The following CCDC170 variants were observed in gnomAD, a reference collection of about 807,000 sequenced individuals.
CCDC170 encodes coiled-coil domain containing 170.
In CCDC170, 69 loss-of-function variants were observed where a neutral mutation model predicts 72.6. The observed-to-expected ratio is 0.95, with a 90% confidence interval of 0.78 to 1.16. CCDC170 has a LOEUF of 1.16. Among genes scored for constraint, CCDC170 ranks in the 50% most tolerant of loss-of-function variants. CCDC170 has a pLI of 0.00. For missense variants in CCDC170, 852 were observed against 832.5 expected, an observed-to-expected ratio of 1.02 and a Z score of -0.29; for synonymous variants, 300 against 303.9, an observed-to-expected ratio of 0.99 and a Z score of 0.13.
intron 1 of CCDC170, among the ~76,000 whole-genome samples, chr6:151,521,505 G>A (rs1454188006): frequency 6.6e-6 from 1 of 152,140 alleles, no homozygotes; most frequent in Non-Finnish European, 1.5e-5. Flanking sequence ...GGTAAAATGA[G>A]GCTGAGATCT....
At chr6:151,595,417 A>T (rs1776606118) in intron 8 of CCDC170, among the ~76,000 whole-genome samples, 1 of 152,184 alleles carries the variant, frequency 6.6e-6, no homozygotes, top group South Asian at 2.1e-4. Flanking sequence ...AAAGACCAAG[A>T]AACCTTCTTA....
intron 3 of CCDC170, among the ~76,000 whole-genome samples, chr6:151,541,347 T>C (rs1369056037): frequency 6.6e-6 from 1 of 152,198 alleles, no homozygotes; most frequent in Non-Finnish European, 1.5e-5. Context: ...TTGATTATTG[T>C]CCATCTTTCC....
At chr6:151,572,647 G>GTTTTTTTTTTTTTTT (rs1776234393) in intron 5 of CCDC170, among the ~76,000 whole-genome samples, 2 of 20,282 alleles carry the variant, frequency 9.9e-5, no homozygotes, top group African/African-American at 3.8e-4. Context: ...TCCCTTCTCT[G>GTTTTTTTTTTTTTTT]TGTTTTTTTT....
intron 8 of CCDC170, among the ~76,000 whole-genome samples, 159 bp downstream of exon 8, chr6:151,593,439 G>A (rs1776574733): frequency 6.6e-6 from 1 of 151,932 alleles, no homozygotes; most frequent in East Asian, 1.9e-4. Flanking sequence ...AGTCTGAAGA[G>A]TTGGTAAGTG....
At chr6:151,530,774 T>G (rs1381117147) in intron 1 of CCDC170, among the ~76,000 whole-genome samples, 1 of 152,066 alleles carries the variant, frequency 6.6e-6, no homozygotes, top group Non-Finnish European at 1.5e-5. Flanking sequence ...ATGTTGCTAG[T>G]TTTAAAGATC....
rs1200924330 is a variant in CCDC170 at position 151,619,855 on chromosome 6, A to G, written c.*1708A>G. The G allele has an allele frequency of 1.3e-5, 2 of 152,290 alleles. No individual in the cohort carries two copies. Among genetic ancestry groups the G allele is most frequent in the South Asian group, 2.1e-4 (1 of 4,824 alleles). The allele number at this position is 152,290 out of a possible 1,614,324, so 9.4% of individuals were successfully genotyped here. A position where few individuals can be genotyped will look rare whatever the true frequency, so the allele number is the denominator to read the frequency against. ...AACAACAAAAAGTCAAAGTCATAAT[A>G]AGCAAATTATTGGCTTCTTTCTTCT... On this transcript the variant is annotated 3_prime_UTR_variant, in exon 11 of 11. Transcript: ENST00000239374.
intron 5 of CCDC170, among the ~76,000 whole-genome samples, chr6:151,554,880 T>TTG (rs1304528596): frequency 5.7e-5 from 8 of 140,958 alleles, no homozygotes; most frequent in African/African-American, 1.9e-4. Flanking sequence ...CAGTTTTTTT[T>TTG]TTTTTTTTTT....
At chr6:151,543,371 T>C (rs1782721207) in intron 3 of CCDC170, among the ~76,000 whole-genome samples, 1 of 152,216 alleles carries the variant, frequency 6.6e-6, no homozygotes, top group African/African-American at 2.4e-5. Context: ...AGTGATATTT[T>C]GATACATGTA....
At chr6:151,506,879 T>C (rs991254840) in intron 1 of CCDC170, among the ~76,000 whole-genome samples, 2 of 152,120 alleles carry the variant, frequency 1.3e-5, no homozygotes, top group Admixed American at 6.6e-5. Context: ...GCCTCCACAA[T>C]CCCTTTAGAC....
intron 6 of CCDC170, among the ~76,000 whole-genome samples, chr6:151,577,631 ACC>A (rs11335230): frequency 4.6e-5 from 7 of 151,728 alleles, no homozygotes; most frequent in Admixed American, 2.0e-4. Context: ...AGCTGTGGGG[ACC>A]CCCCCCGATG....
chr6:151,574,602 G>A (rs984996282), intron 6 of CCDC170, among the ~76,000 whole-genome samples: 2 of 152,176 alleles, frequency 1.3e-5, no homozygotes, highest in Non-Finnish European at 2.9e-5. Flanking sequence ...CAGGTCTGTA[G>A]CTAAGCCCGC....
chr6:151,572,668 TTG>T (rs1404061509), intron 5 of CCDC170, among the ~76,000 whole-genome samples: 4 of 137,068 alleles, frequency 2.9e-5, no homozygotes, highest in African/African-American at 5.3e-5. Flanking sequence ...TTTTTTTTTT[TTG>T]ATGGAGTCTT....
Position 151,573,237 on chromosome 6 carries a change from A to G in CCDC170, c.838A>G (p.Arg280Gly), listed in dbSNP as rs774969991. ...AAGGGAAGTTAAGATCTTCCAAGAA[A>G]GGCTGCTTGCTGGCCAGCAGGTCTG... Reference protein sequence around the residue: ...LEREVKIFQERLLAGQQVWDA... With the variant: ...LEREVKIFQEGLLAGQQVWDA... Residue 280 changes from arginine to glycine, a missense_variant, in exon 6 of 11, where the codon AGG (arginine) becomes GGG (glycine). Physicochemically the swap from Arg to Gly is moderately radical, Grantham distance 125 (BLOSUM62 -2). Transcript: ENST00000239374. The G allele has an allele frequency of 1.2e-6, 2 of 1,614,140 alleles. No homozygotes were observed. Among genetic ancestry groups the G allele is most frequent in the Admixed American group, 1.7e-5 (1 of 60,016 alleles).
chr6:151,507,582 C>T (rs573067246), intron 1 of CCDC170, among the ~76,000 whole-genome samples: 1 of 152,174 alleles, frequency 6.6e-6, no homozygotes, highest in South Asian at 2.1e-4. Context: ...TATAAGGCAG[C>T]CCTGTAGGGA....
At chr6:151,531,896 GC>G (rs1782495843) in intron 1 of CCDC170, among the ~76,000 whole-genome samples, 1 of 152,086 alleles carries the variant, frequency 6.6e-6, no homozygotes, top group Admixed American at 6.6e-5. Flanking sequence ...AGGGGTAACT[GC>G]CCCCCATGAT....
chr6:151,585,562 T>G (rs939406143), intron 6 of CCDC170, among the ~76,000 whole-genome samples: 1 of 152,266 alleles, frequency 6.6e-6, no homozygotes, highest in African/African-American at 2.4e-5. Context: ...ACTTTTTGTC[T>G]TAATTCTTTT....
chr6:151,512,191 G>T (rs962763576), intron 1 of CCDC170, among the ~76,000 whole-genome samples: 1 of 133,572 alleles, frequency 7.5e-6, no homozygotes, highest in African/African-American at 3.0e-5. Context: ...ATGGAGTCTC[G>T]CTCTGTTGCC....
chr6:151,570,632 C>T (rs191520301), intron 5 of CCDC170, among the ~76,000 whole-genome samples: 4 of 152,184 alleles, frequency 2.6e-5, no homozygotes, highest in Non-Finnish European at 4.4e-5. Context: ...TCATATCTTC[C>T]GGGGTCCTAG....
chr6:151,615,884 C>T, intron 10 of CCDC170: 1 of 522,918 alleles, frequency 1.9e-6, no homozygotes, highest in South Asian at 2.6e-5. Context: ...GAGAACTAGT[C>T]ACATATTTAT....
Sources: allele counts gnomAD v4.1 joint callset (sites outside exome capture counted in the v4.1 genomes callset), GRCh38; gene constraint gnomAD v4.1.1; transcripts MANE v1.5; gene names NCBI Gene and HGNC (gene_info 2026-07-23, HGNC 2026-07-21).